C8orf82: variants seen among roughly 807,000 people sequenced by gnomAD.
The protein encoded by C8orf82 is UPF0598 protein C8orf82.
Under a neutral mutation model 15.0 loss-of-function variants are expected in C8orf82, and 24 were observed. That is an observed-to-expected ratio of 1.60 (90% CI 1.16 to 2.24). The LOEUF (loss-of-function observed/expected upper bound fraction) is 2.24. C8orf82 is among the 30% of genes most tolerant of loss of function. The pLI is 0.00. For synonymous variants in C8orf82, 205 were observed against 152.2 expected (o/e 1.35, Z -2.55); for missense variants, 388 against 317.4 (o/e 1.22, Z -1.69).
intron 1 of C8orf82, 25 bp from the exon 2 acceptor site, chr8:144,528,097 AT>A: frequency 1.9e-6 from 3 of 1,611,784 alleles, no homozygotes; most frequent in Non-Finnish European, 2.5e-6. Flanking sequence ...CCAGGCCGTG[AT>A]AAGTCCCAGC....
chr8:144,528,461 G>A (rs1195033582), intron 1 of C8orf82: 1 of 1,473,820 alleles, frequency 6.8e-7, no homozygotes, highest in South Asian at 1.3e-5. Flanking sequence ...AGTCAGCGCC[G>A]GGGCTGGGGA....
intron 1 of C8orf82, 119 bp downstream of exon 1, chr8:144,528,642 T>A (rs1305074944): frequency 4.4e-5 from 2 of 45,786 alleles, no homozygotes; most frequent in Admixed American, 7.0e-4. Flanking sequence ...CCCTGGAACG[T>A]CCCTCCGGCC....
rs367880932 is a variant in C8orf82, at chr8:144,527,684, G to A, written c.309C>T (p.Asn103=). ...PFLSPCGRER[N]FLRCEDRPVV... ...CCGGCCGGTCCTCGCAGCGCAGGAA[G>A]TTGCGCTCTCTGCCGCAGGGCGAGA... The change falls in exon 3 of 3, where the codon AAC becomes AAT. Residue 103 remains asparagine (N), a synonymous_variant. Transcript: ENST00000524821. 4.4e-6 allele frequency: 7 copies of A among 1,574,874 alleles called. No individual in the cohort carries two copies. In the African/African-American group the frequency reaches 6.7e-5, roughly 15 times the overall value.
rs2130802981 is a variant in C8orf82 at position 144,527,176 on chromosome 8, G to GCCGGGCCGCGGCAGCA, written c.*150_*165dup. Reference sequence around the variant, plus strand: ...CGTGGGGAGCGGGGTGTCCGGGAGGGCCGGGCCGCGGCAGCACCAAGGACA... The same window carrying GCCGGGCCGCGGCAGCA: ...CGTGGGGAGCGGGGTGTCCGGGAGGGCCGGGCCGCGGCAGCACCGGGCCGCGGCAGCACCAAGGACA... On this transcript the variant is annotated 3_prime_UTR_variant, in exon 3 of 3. Coordinates refer to ENST00000524821, the MANE Select transcript of C8orf82 (RefSeq NM_001001795.2). 1 of 360,486 alleles carries GCCGGGCCGCGGCAGCA rather than the reference G, an allele frequency of 2.8e-6. No homozygotes were observed. Among genetic ancestry groups the GCCGGGCCGCGGCAGCA allele is most frequent in the South Asian group, 1.2e-4 (1 of 8,028 alleles). The allele number at this position is 360,486 out of a possible 1,614,324, so 22.3% of individuals were successfully genotyped here. A position where few individuals can be genotyped will look rare whatever the true frequency, so the allele number is the denominator to read the frequency against.
chr8:144,528,122 CG>C (rs1167990596), intron 1 of C8orf82, 50 bp from the exon 2 acceptor site: 3 of 1,595,358 alleles, frequency 1.9e-6, no homozygotes, highest in Non-Finnish European at 2.6e-6. Flanking sequence ...CAGGTGGGGG[CG>C]GGGAAGCTCA....
At position 144,527,376 on chromosome 8, in the gene C8orf82, AG is replaced by A; in HGVS notation, c.616del (p.Leu206TrpfsTer253). ...CCGAGCCGCGAGCAGCAGCGGGGCC[AG>A]GTCCATGGTGAGGGCGAGGCGGCGG... is the stretch of plus-strand genomic sequence containing the variant. Reference protein sequence around the residue: ...QGRRLALTMDLAPLLLAARSP With the variant: ...QGRRLALTMDXAPLLLAARSP On this transcript the variant is annotated frameshift_variant, in exon 3 of 3. Transcript: ENST00000524821. LOFTEE classifies it high-confidence loss of function. 1 of 1,232,186 alleles carries A rather than the reference AG, an allele frequency of 8.1e-7. No homozygotes were observed. Among genetic ancestry groups the A allele is most frequent in the Non-Finnish European group, 1.0e-6 (1 of 981,550 alleles). The allele number at this position is 1,232,186 out of a possible 1,614,324, so 76.3% of individuals were successfully genotyped here. A position where few individuals can be genotyped will look rare whatever the true frequency, so the allele number is the denominator to read the frequency against.
chr8:144,528,400 G>A (rs1372774983), intron 1 of C8orf82: 8 of 1,492,706 alleles, frequency 5.4e-6, no homozygotes, highest in African/African-American at 1.4e-5. Context: ...TTTTGACAGG[G>A]CTTCCAAAAA....
At position 144,528,346 on chromosome 8, in the gene C8orf82, C is replaced by T. The variant is rs1352637041; in HGVS notation, c.157-274G>A. The T allele has an allele frequency of 1.2e-5, 18 of 1,509,536 alleles. No homozygotes were observed. In the East Asian group the frequency reaches 4.1e-4, roughly 35 times the overall value. The allele number at this position is 1,509,536 out of a possible 1,614,324, so 93.5% of individuals were successfully genotyped here. ...TTGTAATCAGTTGTACCACCTCCTC[C>T]GCGGAGACTACCTGGCCTGCTGCCT... On this transcript the variant is annotated intron_variant, in intron 1 of 2. Coordinates refer to ENST00000524821, the MANE Select transcript of C8orf82 (RefSeq NM_001001795.2).
chr8:144,527,839 G>A (rs1816433635), intron 2 of C8orf82, 52 bp from the exon 3 acceptor site: 24 of 1,574,210 alleles, frequency 1.5e-5, no homozygotes, highest in East Asian at 9.0e-5. Flanking sequence ...CAAGGCCTCC[G>A]GGCCCAGGAC....
At chr8:144,528,126 G>A (rs1243924002) in intron 1 of C8orf82, 54 bp from the exon 2 acceptor site, 1 of 1,597,024 alleles carries the variant, frequency 6.3e-7, no homozygotes. Flanking sequence ...TGGGGGCGGG[G>A]AAGCTCAGGA....
chr8:144,528,881 G>A lies in C8orf82; in HGVS notation c.36C>T (p.Ala12=), dbSNP rs1419940273. The A allele has an allele frequency of 2.0e-6, 3 of 1,518,458 alleles. No homozygotes were observed. Among genetic ancestry groups the A allele is most frequent in the Non-Finnish European group, 1.8e-6 (2 of 1,135,108 alleles). 94.1% of individuals were successfully genotyped at this position (1,518,458 alleles called of 1,614,324 possible). The part of the protein sequence containing the change: ...WPPCGTLRTL[A]LARSRGARAC... ...CCCGGGCTCCCCGCGACCGCGCCAA[G>A]GCCAGGGTCCGGAGCGTCCCGCAAG... The change falls in exon 1 of 3, where the codon GCC becomes GCT. Residue 12 remains alanine, a synonymous_variant. Coordinates refer to ENST00000524821, the MANE Select transcript of C8orf82 (RefSeq NM_001001795.2).
At chr8:144,528,201 C>G in intron 1 of C8orf82, 129 bp from the exon 2 acceptor site, 1 of 1,507,886 alleles carries the variant, frequency 6.6e-7, no homozygotes, top group Non-Finnish European at 8.9e-7. Flanking sequence ...CTGTGCACAC[C>G]GCATGCAGGG....
At position 144,527,094 on chromosome 8, in the gene C8orf82, T is replaced by G; in HGVS notation, c.*248A>C. Reference sequence around the variant, plus strand: ...CCGCGCCCGCCGCCAGTGCCTGACGTCTCGAGCGCAGGCCAATCCGGAGGG... The same window carrying G: ...CCGCGCCCGCCGCCAGTGCCTGACGGCTCGAGCGCAGGCCAATCCGGAGGG... On this transcript the variant is annotated 3_prime_UTR_variant, in exon 3 of 3. Transcript: ENST00000524821. 1 of 181,764 alleles carries G rather than the reference T, an allele frequency of 5.5e-6. No homozygotes were observed. The highest frequency in any genetic ancestry group is 1.1e-5 in the Non-Finnish European group (1 of 88,858). The allele number at this position is 181,764 out of a possible 1,614,324, so 11.3% of individuals were successfully genotyped here. A position where few individuals can be genotyped will look rare whatever the true frequency, so the allele number is the denominator to read the frequency against.
chr8:144,527,214 G>C lies in C8orf82; in HGVS notation c.*128C>G, dbSNP rs1816398084. 2 of 565,288 alleles carry C rather than the reference G, an allele frequency of 3.5e-6. No homozygotes were observed. The highest frequency in any genetic ancestry group is 4.8e-6 in the Non-Finnish European group (2 of 413,902). The allele number at this position is 565,288 out of a possible 1,614,324, so 35.0% of individuals were successfully genotyped here. A position where few individuals can be genotyped will look rare whatever the true frequency, so the allele number is the denominator to read the frequency against. ...AGCACCAAGGACAGCGCCGGGTGGGGGCGGGGCCGAGCGCGCAGGCGCACT... is the reference window on the plus strand; with the variant it reads ...AGCACCAAGGACAGCGCCGGGTGGGCGCGGGGCCGAGCGCGCAGGCGCACT... On this transcript the variant is annotated 3_prime_UTR_variant, in exon 3 of 3. Coordinates refer to ENST00000524821, the MANE Select transcript of C8orf82 (RefSeq NM_001001795.2).
rs1816392863 is a variant in C8orf82 at position 144,527,105 on chromosome 8, G to A, written c.*237C>T. On this transcript the variant is annotated 3_prime_UTR_variant, in exon 3 of 3. Transcript: ENST00000524821. ...GCCAGTGCCTGACGTCTCGAGCGCA[G>A]GCCAATCCGGAGGGCGCCGGAGTCG... The A allele has an allele frequency of 5.2e-6, 1 of 191,988 alleles. No individual in the cohort carries two copies. The highest frequency in any genetic ancestry group is 1.0e-5 in the Non-Finnish European group (1 of 96,356). 11.9% of individuals were successfully genotyped at this position (191,988 alleles called of 1,614,324 possible).
At chr8:144,528,429 T>C in intron 1 of C8orf82, 1 of 1,486,492 alleles carries the variant, frequency 6.7e-7, no homozygotes, top group Non-Finnish European at 9.0e-7. Flanking sequence ...GCGGCCCGGG[T>C]GTCTCCCTGG....
intron 1 of C8orf82, chr8:144,528,331 T>C: frequency 6.6e-7 from 1 of 1,512,950 alleles, no homozygotes; most frequent in Non-Finnish European, 8.8e-7. Flanking sequence ...TTGTAATCAG[T>C]TGTACCACCT....
At chr8:144,528,113 AG>A in intron 1 of C8orf82, 41 bp from the exon 2 acceptor site, 1 of 1,600,732 alleles carries the variant, frequency 6.2e-7, no homozygotes, top group East Asian at 2.2e-5. Context: ...CCCAGCGTGC[AG>A]GTGGGGGCGG....
At chr8:144,528,617 G>GCCCA (rs202133968) in intron 1 of C8orf82, 144 bp downstream of exon 1, 134 of 76,350 alleles carry the variant, frequency 1.8e-3, no homozygotes, top group Middle Eastern at 6.2e-3. Context: ...CGCAGGCCCC[G>GCCCA]CCCACCCACC....
Sources: allele counts gnomAD v4.1 joint callset, GRCh38; gene constraint gnomAD v4.1.1; transcripts MANE v1.5; gene names NCBI Gene and HGNC (gene_info 2026-07-23, HGNC 2026-07-21).